Variants in ZNF215 observed in about 807,000 individuals in gnomAD.
ZNF215 encodes the protein BWSCR2-associated zinc finger protein 2.
ZNF215 carries 24 observed loss-of-function variants against 27.2 expected under a neutral mutation model. The observed-to-expected ratio is 0.88, with a 90% CI of 0.64 to 1.24. The LOEUF is 1.24. Ranked by LOEUF, ZNF215 falls within the 50% of genes most tolerant of loss-of-function variation. ZNF215 has a pLI of 0.00. For missense variants in ZNF215, 675 were observed against 605.7 expected (o/e 1.11, Z -1.20); for synonymous variants, 210 against 204.0 (o/e 1.03, Z -0.25).
chr11:6,944,916 A>T (rs975289069), intron 6 of ZNF215, among the ~76,000 whole-genome samples: 3 of 152,184 alleles, frequency 2.0e-5, no homozygotes, highest in African/African-American at 7.2e-5. Context: ...CAATTATATC[A>T]TAATACATTT....
chr11:6,949,872 C>A (rs914759144), intron 6 of ZNF215, among the ~76,000 whole-genome samples: 28 of 152,034 alleles, frequency 1.8e-4, no homozygotes, highest in Admixed American at 1.2e-3. Context: ...TCAGGTCTAA[C>A]GTTTAAGTCT....
At chr11:6,985,496 G>A (rs976766750), downstream of ZNF215, among the ~76,000 whole-genome samples, 36 of 151,942 alleles carry the variant, frequency 2.4e-4, no homozygotes, top group African/African-American at 8.2e-4. Flanking sequence ...GACAAAGATG[G>A]CCACGCTCAC....
At chr11:6,983,135 C>T (rs940843157) in intron 5 of ZNF215, among the ~76,000 whole-genome samples, 36 of 152,236 alleles carry the variant, frequency 2.4e-4, no homozygotes, top group African/African-American at 3.1e-4. Context: ...AACACCTCCA[C>T]GCAAATAAAC....
At chr11:6,948,272 G>T (rs1395071502) in intron 6 of ZNF215, among the ~76,000 whole-genome samples, 1 of 152,092 alleles carries the variant, frequency 6.6e-6, no homozygotes, top group African/African-American at 2.4e-5. Flanking sequence ...ATGGCATCAA[G>T]GTTGAAGTCT....
chr11:6,988,174 G>C, downstream of ZNF215: 1 of 984,860 alleles, frequency 1.0e-6, no homozygotes, highest in African/African-American at 1.7e-5. Flanking sequence ...ACCTTGTAGA[G>C]AATTATACCC....
chr11:6,942,971 C>T (rs1849680489), intron 4 of ZNF215, 112 bp from the exon 5 acceptor site: 2 of 1,439,652 alleles, frequency 1.4e-6, no homozygotes, highest in Non-Finnish European at 1.9e-6. Context: ...AGACATTGTC[C>T]TATCAATTTC....
intron 2 of ZNF215, among the ~76,000 whole-genome samples, chr11:6,931,473 G>A (rs1360889992): frequency 6.6e-6 from 1 of 152,218 alleles, no homozygotes; most frequent in African/African-American, 2.4e-5. Flanking sequence ...ACCTATGGTA[G>A]TCTTGCAAGT....
At chr11:6,985,497 C>T (rs770207207), downstream of ZNF215, among the ~76,000 whole-genome samples, 41 of 152,032 alleles carry the variant, frequency 2.7e-4, no homozygotes, top group Non-Finnish European at 2.6e-4. Context: ...ACAAAGATGG[C>T]CACGCTCACC....
At chr11:6,969,528 C>G (rs775738555) in intron 5 of ZNF215, among the ~76,000 whole-genome samples, 1 of 151,688 alleles carries the variant, frequency 6.6e-6, no homozygotes, top group Non-Finnish European at 1.5e-5. Context: ...TAAATTTTGA[C>G]TTTGGAATCA....
chr11:6,978,347 A>G (rs1055470698), intron 5 of ZNF215, among the ~76,000 whole-genome samples: 2 of 152,090 alleles, frequency 1.3e-5, no homozygotes, highest in African/African-American at 4.8e-5. Flanking sequence ...GTTCTTGAAC[A>G]GGCAAAACTG....
At chr11:6,980,671 C>A (rs1209142604) in intron 5 of ZNF215, among the ~76,000 whole-genome samples, 1 of 151,452 alleles carries the variant, frequency 6.6e-6, no homozygotes, top group Admixed American at 6.6e-5. Flanking sequence ...AGGTTAGTTA[C>A]ATATGTATAC....
intron 3 of ZNF215, among the ~76,000 whole-genome samples, chr11:6,939,352 C>T (rs149540480): frequency 6.6e-6 from 1 of 152,274 alleles, no homozygotes; most frequent in African/African-American, 2.4e-5. Context: ...TGGTCATTCA[C>T]AGTACATTAG....
intron 3 of ZNF215, among the ~76,000 whole-genome samples, chr11:6,937,275 A>G (rs919252817): frequency 1.3e-5 from 2 of 152,012 alleles, no homozygotes; most frequent in Non-Finnish European, 2.9e-5. Flanking sequence ...GCAATGAACA[A>G]CCCTTAAAAG....
rs747085129 is a variant in ZNF215, at chr11:6,956,701, T to C, written c.*170T>C. ...GGATAGAAATATCATTGGATAGAAA[T>C]CTGTTTGAAGGAATTTTCCTGGTTT... is the stretch of plus-strand genomic sequence containing the variant. On this transcript the variant is annotated 3_prime_UTR_variant, in exon 7 of 7. Coordinates refer to ENST00000278319, the MANE Select transcript of ZNF215 (RefSeq NM_013250.4). 381 of 1,388,298 alleles carry C rather than the reference T, an allele frequency of 2.7e-4. No homozygotes were observed. The highest frequency in any genetic ancestry group is 3.3e-4 in the Non-Finnish European group (360 of 1,079,064). The allele number at this position is 1,388,298 out of a possible 1,614,324, so 86.0% of individuals were successfully genotyped here. A position where few individuals can be genotyped will look rare whatever the true frequency, so the allele number is the denominator to read the frequency against.
downstream of ZNF215, among the ~76,000 whole-genome samples, chr11:6,961,686 C>G (rs1417296488): frequency 6.6e-6 from 1 of 152,104 alleles, no homozygotes; most frequent in Non-Finnish European, 1.5e-5. Context: ...TCTTTTGATT[C>G]TTAATTGTGT....
intron 5 of ZNF215, among the ~76,000 whole-genome samples, chr11:6,982,149 G>T (rs560516195): frequency 6.6e-6 from 1 of 152,030 alleles, no homozygotes; most frequent in Non-Finnish European, 1.5e-5. Context: ...TGTGAAGAAA[G>T]TCATTGGTAG....
chr11:6,991,809 C>T (rs1158388518), downstream of ZNF215, among the ~76,000 whole-genome samples: 2 of 152,276 alleles, frequency 1.3e-5, no homozygotes, highest in South Asian at 2.1e-4. Flanking sequence ...CTTTTAATTT[C>T]CAATATAATC....
chr11:6,987,860 G>T (rs1423299335), downstream of ZNF215, among the ~76,000 whole-genome samples: 1 of 152,142 alleles, frequency 6.6e-6, no homozygotes, highest in Admixed American at 6.5e-5. Context: ...TGGCATTTCA[G>T]CATGGAGGGA....
At chr11:6,949,798 G>A (rs1849978906) in intron 6 of ZNF215, among the ~76,000 whole-genome samples, 1 of 152,162 alleles carries the variant, frequency 6.6e-6, no homozygotes. Context: ...TAGACATGAA[G>A]TCCTTGCCCA....
Sources: allele counts gnomAD v4.1 joint callset (sites outside exome capture counted in the v4.1 genomes callset), GRCh38; gene constraint gnomAD v4.1.1; transcripts MANE v1.5; gene names NCBI Gene and HGNC (gene_info 2026-07-23, HGNC 2026-07-21).